GRID1: variants seen among roughly 807,000 people sequenced by gnomAD.
GRID1 encodes the protein glutamate receptor ionotropic, delta-1.
In GRID1, 28 loss-of-function variants were observed where a neutral mutation model predicts 98.0. The ratio of observed to expected loss-of-function variants is 0.29; its 90% CI spans 0.21 to 0.39. The LOEUF (loss-of-function observed/expected upper bound fraction) is 0.39. GRID1 is among the 10% of genes least tolerant of loss of function. GRID1 has a pLI of 1.00. For synonymous variants in GRID1, 553 were observed against 538.5 expected (o/e 1.03, Z -0.37); for missense variants, 1,111 against 1,340.5 (o/e 0.83, Z 2.67).
intron 13 of GRID1, among the ~76,000 whole-genome samples, chr10:85,642,167 C>T (rs1487311624): frequency 6.6e-6 from 1 of 152,184 alleles, no homozygotes; most frequent in Non-Finnish European, 1.5e-5. Flanking sequence ...CTACTCAACT[C>T]TGCTGAAATA....
chr10:86,356,145 A>T (rs1235109800), intron 2 of GRID1, among the ~76,000 whole-genome samples: 1 of 152,216 alleles, frequency 6.6e-6, no homozygotes, highest in Non-Finnish European at 1.5e-5. Flanking sequence ...ACCCCAGCCT[A>T]GGCTGGGGAC....
chr10:86,181,539 G>A (rs186947215), intron 3 of GRID1, among the ~76,000 whole-genome samples: 158 of 152,312 alleles, frequency 1.0e-3, no homozygotes, highest in Admixed American at 5.6e-3. Context: ...AAAGGATTAG[G>A]AAAGAATGCC....
intron 2 of GRID1, among the ~76,000 whole-genome samples, chr10:86,282,590 C>T (rs1254631765): frequency 6.6e-6 from 1 of 152,120 alleles, no homozygotes; most frequent in African/African-American, 2.4e-5. Flanking sequence ...AAGTAAAGAG[C>T]GACCATGAGC....
chr10:86,122,759 T>A (rs1844695376), intron 4 of GRID1, among the ~76,000 whole-genome samples: 1 of 152,258 alleles, frequency 6.6e-6, no homozygotes, highest in Admixed American at 6.5e-5. Context: ...AACTGGCCTC[T>A]GAAGTCTCCC....
chr10:86,353,762 A>G (rs1306643390), intron 2 of GRID1, among the ~76,000 whole-genome samples: 4 of 152,140 alleles, frequency 2.6e-5, no homozygotes, highest in Non-Finnish European at 5.9e-5. Flanking sequence ...TGTTTTAGTT[A>G]CGAGAGCCCT....
At chr10:86,209,724 C>T (rs774393654) in intron 2 of GRID1, among the ~76,000 whole-genome samples, 4 of 152,070 alleles carry the variant, frequency 2.6e-5, no homozygotes, top group African/African-American at 7.2e-5. Context: ...TGTCCAGGAA[C>T]TCCAATGCTC....
intron 15 of GRID1, among the ~76,000 whole-genome samples, chr10:85,607,816 T>C (rs1013832989): frequency 1.3e-5 from 2 of 150,588 alleles, no homozygotes; most frequent in African/African-American, 4.9e-5. Context: ...CCTTTTTTTT[T>C]TTTTTTTGTT....
intron 8 of GRID1, among the ~76,000 whole-genome samples, chr10:85,850,504 T>C (rs532678554): frequency 3.3e-5 from 5 of 152,214 alleles, no homozygotes; most frequent in Non-Finnish European, 7.3e-5. Context: ...GGCACTGCCC[T>C]GGCACACAGG....
intron 4 of GRID1, among the ~76,000 whole-genome samples, chr10:86,006,955 G>A (rs1005282861): frequency 6.6e-6 from 1 of 152,192 alleles, no homozygotes; most frequent in African/African-American, 2.4e-5. Flanking sequence ...CTATAGAAGG[G>A]ATGGTAAACT....
At chr10:85,760,136 G>C (rs951909583) in intron 8 of GRID1, among the ~76,000 whole-genome samples, 1 of 152,200 alleles carries the variant, frequency 6.6e-6, no homozygotes, top group African/African-American at 2.4e-5. Flanking sequence ...CTCAGTGAGA[G>C]GTGGTGTCAT....
intron 4 of GRID1, among the ~76,000 whole-genome samples, chr10:85,981,667 C>G (rs970988132): frequency 1.3e-5 from 2 of 152,180 alleles, no homozygotes; most frequent in Non-Finnish European, 2.9e-5. Context: ...TCTTTCCCCA[C>G]TCCCACTGCC....
chr10:86,037,326 T>G (rs1295882872), intron 4 of GRID1, among the ~76,000 whole-genome samples: 1 of 152,178 alleles, frequency 6.6e-6, no homozygotes, highest in Non-Finnish European at 1.5e-5. Context: ...AGCCTGATGA[T>G]CAAGAACATG....
chr10:85,603,177 A>T (rs537227009), intron 15 of GRID1, among the ~76,000 whole-genome samples: 23 of 152,338 alleles, frequency 1.5e-4, no homozygotes, highest in African/African-American at 5.3e-4. Context: ...CAGGCTCAGG[A>T]AGGTTCAATG....
At position 85,723,161 on chromosome 10, in the gene GRID1, T is replaced by C. The variant is rs188590858; in HGVS notation, c.1859-20A>G. On this transcript the variant is annotated intron_variant, in intron 11 of 15. Transcript: ENST00000327946. ...CGCCACCTGCGGGAGGCAGACAAAGTGGATTGGCCAGTGGCTTCTGCTCTC... is the reference window on the plus strand; with the variant it reads ...CGCCACCTGCGGGAGGCAGACAAAGCGGATTGGCCAGTGGCTTCTGCTCTC... 1 of 1,592,510 alleles carries C rather than the reference T, an allele frequency of 6.3e-7. No individual in the cohort carries two copies. The highest frequency in any genetic ancestry group is 1.7e-5 in the Admixed American group (1 of 58,036).
intron 8 of GRID1, among the ~76,000 whole-genome samples, chr10:85,756,770 T>C (rs527946349): frequency 6.6e-5 from 10 of 152,234 alleles, no homozygotes; most frequent in Admixed American, 2.6e-4. Context: ...TACTACTGTA[T>C]AGACACAGGC....
chr10:85,842,888 T>C (rs986293857), intron 8 of GRID1, among the ~76,000 whole-genome samples: 7 of 152,084 alleles, frequency 4.6e-5, no homozygotes, highest in Admixed American at 2.0e-4. Flanking sequence ...ACATATTTTA[T>C]GAGGCTAATA....
At chr10:85,878,712 C>T (rs1159728040) in intron 5 of GRID1, among the ~76,000 whole-genome samples, 5 of 152,180 alleles carry the variant, frequency 3.3e-5, no homozygotes, top group Admixed American at 6.5e-5. Flanking sequence ...ACTGCATCAA[C>T]TAACGAGCAA....
intron 12 of GRID1, among the ~76,000 whole-genome samples, chr10:85,711,903 A>G (rs575968207): frequency 8.4e-4 from 128 of 151,876 alleles, no homozygotes; most frequent in African/African-American, 2.9e-3. Flanking sequence ...TTTGTATATT[A>G]TTGAACTAAA....
chr10:86,305,695 C>T (rs760600805), intron 2 of GRID1, among the ~76,000 whole-genome samples: 5 of 152,176 alleles, frequency 3.3e-5, no homozygotes, highest in Admixed American at 6.5e-5. Flanking sequence ...CTGGGGATTC[C>T]AATAAGGTCT....
Sources: gnomAD v4.1 joint callset for allele counts (sites outside exome capture counted in the v4.1 genomes callset) on GRCh38, gnomAD v4.1.1 for gene constraint, MANE v1.5 for transcripts, NCBI Gene and HGNC (gene_info 2026-07-23, HGNC 2026-07-21) for gene names.